Variants in MAP4K3 observed in about 807,000 individuals in gnomAD.
The protein encoded by MAP4K3 is mitogen-activated protein kinase kinase kinase kinase 3, also known as MAPK/ERK kinase kinase kinase 3.
A neutral mutation model predicts 143.5 loss-of-function variants in MAP4K3; 94 were observed. The ratio of observed to expected loss-of-function variants is 0.65; its 90% CI spans 0.55 to 0.78. The LOEUF (loss-of-function observed/expected upper bound fraction) is 0.78, where lower values mean the gene tolerates loss of function less well. Among genes scored for constraint, MAP4K3 ranks in the 30% least tolerant of loss-of-function variants. The pLI is 0.00. For missense variants in MAP4K3, 1,077 were observed against 1,068.1 expected, an observed-to-expected ratio of 1.01 and a Z score of -0.12; for synonymous variants, 416 against 347.2, an observed-to-expected ratio of 1.20 and a Z score of -2.20.
intron 2 of MAP4K3, among the ~76,000 whole-genome samples, chr2:39,369,838 C>A (rs539630154): frequency 6.6e-6 from 1 of 152,166 alleles, no homozygotes; most frequent in Non-Finnish European, 1.5e-5. Flanking sequence ...TAGTCAAAGG[C>A]GGATCTTCAG....
At chr2:39,276,420 T>C (rs187868362) in intron 24 of MAP4K3, among the ~76,000 whole-genome samples, 1 of 152,340 alleles carries the variant, frequency 6.6e-6, no homozygotes, top group East Asian at 1.9e-4. Context: ...ATCTCTGATC[T>C]TTCTCTAGGT....
chr2:39,345,892 A>T (rs1168161516), intron 3 of MAP4K3, among the ~76,000 whole-genome samples: 1 of 138,658 alleles, frequency 7.2e-6, no homozygotes, highest in Middle Eastern at 3.6e-3. Flanking sequence ...ACTGCACTCC[A>T]GCCTGAGTGA....
At chr2:39,301,468 C>T (rs988813989) in intron 15 of MAP4K3, among the ~76,000 whole-genome samples, 1 of 152,170 alleles carries the variant, frequency 6.6e-6, no homozygotes, top group Non-Finnish European at 1.5e-5. Flanking sequence ...TAAATAAACA[C>T]AAAATTTGTT....
At chr2:39,402,110 G>GA (rs1401893313) in intron 1 of MAP4K3, among the ~76,000 whole-genome samples, 1 of 151,892 alleles carries the variant, frequency 6.6e-6, no homozygotes, top group Admixed American at 6.6e-5. Flanking sequence ...CACGGACTAC[G>GA]AAAAAAACCC....
At chr2:39,262,591 T>G (rs1361475686) in intron 28 of MAP4K3, among the ~76,000 whole-genome samples, 1 of 152,216 alleles carries the variant, frequency 6.6e-6, no homozygotes, top group Non-Finnish European at 1.5e-5. Flanking sequence ...TTTTGATTAC[T>G]TCTACATTGC....
chr2:39,372,206 TAAAAC>T (rs1290811345), intron 2 of MAP4K3, among the ~76,000 whole-genome samples: 3 of 149,844 alleles, frequency 2.0e-5, no homozygotes, highest in African/African-American at 7.4e-5. Context: ...TAAAATAAAA[TAAAAC>T]ACCTAGGAAT....
chr2:39,296,817 A>G (rs1052615416), intron 16 of MAP4K3, among the ~76,000 whole-genome samples: 6 of 152,356 alleles, frequency 3.9e-5, no homozygotes, highest in Middle Eastern at 3.4e-3. Flanking sequence ...AAGGCAACTA[A>G]TAAGTATTTA....
intron 2 of MAP4K3, among the ~76,000 whole-genome samples, chr2:39,359,175 G>C (rs1020491014): frequency 5.9e-5 from 9 of 152,128 alleles, no homozygotes; most frequent in African/African-American, 2.2e-4. Context: ...GTTCCAATGG[G>C]AGAAACTGGC....
chr2:39,278,360 T>C (rs755062709), intron 24 of MAP4K3, 47 bp downstream of exon 24: 13 of 1,127,710 alleles, frequency 1.2e-5, no homozygotes, highest in Admixed American at 8.8e-5. Flanking sequence ...TGTGTACTTA[T>C]GGTAACTTAA....
intron 23 of MAP4K3, among the ~76,000 whole-genome samples, chr2:39,279,525 A>C (rs1210380601): frequency 6.6e-6 from 1 of 152,204 alleles, no homozygotes; most frequent in East Asian, 1.9e-4. Context: ...GTGAGAGGAC[A>C]CAGACAGTTC....
intron 28 of MAP4K3, among the ~76,000 whole-genome samples, chr2:39,264,790 G>A (rs916280585): frequency 1.3e-5 from 2 of 151,940 alleles, no homozygotes; most frequent in Non-Finnish European, 2.9e-5. Flanking sequence ...TTAATGGGTG[G>A]GTATATAACT....
Position 39,258,705 on chromosome 2 carries a change from T to C in MAP4K3, c.2309-118A>G, listed in dbSNP as rs536609600. 2.6e-4 allele frequency: 203 copies of C among 772,032 alleles called. 1 individual carries two copies. In the African/African-American group the frequency reaches 3.0e-3, roughly 11 times the overall value. The allele number at this position is 772,032 out of a possible 1,614,324, so 47.8% of individuals were successfully genotyped here. ...CTTGAAACGGATATGTCTTCTGTAA[T>C]ACACATGTAGTGACTGAGCCAGGCT... On this transcript the variant is annotated intron_variant, in intron 29 of 33. Transcript: ENST00000263881.
intron 32 of MAP4K3, among the ~76,000 whole-genome samples, chr2:39,253,858 T>C (rs563724017): frequency 2.6e-5 from 4 of 152,182 alleles, no homozygotes; most frequent in African/African-American, 7.2e-5. Flanking sequence ...GGCATAAATG[T>C]TGAACTGACT....
chr2:39,325,657 CT>C, intron 11 of MAP4K3, 29 bp from the exon 12 acceptor site: 12 of 1,576,540 alleles, frequency 7.6e-6, no homozygotes, highest in Non-Finnish European at 1.0e-5. Flanking sequence ...ATGCAGAACA[CT>C]TACTATAAAT....
intron 2 of MAP4K3, among the ~76,000 whole-genome samples, chr2:39,377,201 C>CTTTTTTTTTTTTTTTTTT (rs56149359): frequency 1.8e-5 from 2 of 110,586 alleles, no homozygotes; most frequent in Non-Finnish European, 1.9e-5. Flanking sequence ...GCTATTTGGC[C>CTTTTTTTTTTTTTTTTTT]TTTTTTTTTT....
In MAP4K3 at chr2:39,292,755, AACAGAG is replaced by A; in HGVS notation, c.1271+12_1271+17del. On this transcript the variant is annotated intron_variant, in intron 18 of 33. Transcript: ENST00000263881. ...AATGACACCTTTTCTTTTTACCAAA[AACAGAG>A]ACAGAACTTACTGTTTAGATTCATC... is the stretch of plus-strand genomic sequence containing the variant. 1.2e-6 allele frequency: 2 copies of A among 1,609,732 alleles called. No individual in the cohort carries two copies. The highest frequency in any genetic ancestry group is 2.2e-5 in the South Asian group (2 of 90,832).
chr2:39,356,104 T>G, intron 3 of MAP4K3, 145 bp downstream of exon 3: 1 of 584,528 alleles, frequency 1.7e-6, no homozygotes, highest in Non-Finnish European at 3.0e-6. Context: ...AGGTCCTAAG[T>G]AAAAATTCCA....
intron 12 of MAP4K3, among the ~76,000 whole-genome samples, chr2:39,323,106 A>G (rs372680610): frequency 7.2e-5 from 11 of 152,216 alleles, no homozygotes; most frequent in African/African-American, 2.2e-4. Context: ...AAAAGTTATG[A>G]ATTTCTCTTA....
At chr2:39,290,263 A>C in intron 19 of MAP4K3, 29 bp downstream of exon 19, 1 of 1,566,294 alleles carries the variant, frequency 6.4e-7, no homozygotes, top group South Asian at 1.2e-5. Flanking sequence ...TAACACACAT[A>C]TATCAAATTG....
Sources: allele counts gnomAD v4.1 joint callset (sites outside exome capture counted in the v4.1 genomes callset), GRCh38; gene constraint gnomAD v4.1.1; transcripts MANE v1.5; gene names NCBI Gene and HGNC (gene_info 2026-07-23, HGNC 2026-07-21).